Variants in ZNF208 observed in about 807,000 individuals in gnomAD.
The protein encoded by ZNF208 is zinc finger protein 208.
A neutral mutation model predicts 12.1 loss-of-function variants in ZNF208; 10 were observed. That is an observed-to-expected ratio of 0.83 (90% CI 0.51 to 1.40). The LOEUF (loss-of-function observed/expected upper bound fraction) is 1.40. Among genes scored for constraint, ZNF208 ranks in the 40% most tolerant of loss-of-function variants. The pLI, the probability that ZNF208 is intolerant of heterozygous loss-of-function variation, is 0.00. For synonymous variants in ZNF208, 497 were observed against 488.4 expected, an observed-to-expected ratio of 1.02 and a Z score of -0.23; for missense variants, 1,652 against 1,485.0, an observed-to-expected ratio of 1.11 and a Z score of -1.85.
intron 4 of ZNF208, among the ~76,000 whole-genome samples, chr19:21,956,929 G>T (rs1273882710): frequency 6.6e-6 from 1 of 152,242 alleles, no homozygotes; most frequent in Admixed American, 6.5e-5. Context: ...ACTGGGAGAT[G>T]TAGACTGGAG....
Position 21,973,252 on chromosome 19 carries a change from T to G in ZNF208, c.1782A>C (p.Ala594=), listed in dbSNP as rs563920028. ...GAATTCTCTTATGTTTAATAAGAATTGCAGATTGGTTAAAAGCTTTGCCAC... is the reference window on the plus strand; with the variant it reads ...GAATTCTCTTATGTTTAATAAGAATGGCAGATTGGTTAAAAGCTTTGCCAC... ...EECGKAFNQS[A]ILIKHKRIHT... Residue 594 remains alanine, a synonymous_variant, in exon 4 of 4, where the codon GCA becomes GCC. Coordinates refer to ENST00000397126, the MANE Select transcript of ZNF208 (RefSeq NM_007153.3). The G allele has an allele frequency of 1.2e-6, 2 of 1,613,014 alleles. No individual in the cohort carries two copies. Among genetic ancestry groups the G allele is most frequent in the Non-Finnish European group, 1.7e-6 (2 of 1,179,766 alleles).
rs558490237 is a variant in ZNF208, at chr19:21,972,717, C to G, written c.2317G>C (p.Val773Leu). 35 of 1,590,368 alleles carry G rather than the reference C, an allele frequency of 2.2e-5. 1 individual carries two copies. In the South Asian group the frequency reaches 3.5e-4, roughly 16 times the overall value. The change falls in exon 4 of 4, where the codon GTA (valine) becomes CTA (leucine). Residue 773 changes from valine (V) to leucine (L), a missense_variant. This residue lies in a region of ZNF208 where 1,239 missense variants were observed against 1,086.2 expected (regional missense o/e 1.14). Transcript: ENST00000397126. ...TCTTCACATTTGTAGGGTTTCTCTA[C>G]AGTATGAATTTTCTTATGATAACTA... ...TLSYHKKIHT[V>L]EKPYKCEECG...
At chr19:21,980,032 C>T (rs1290323469) in intron 3 of ZNF208, among the ~76,000 whole-genome samples, 2 of 151,690 alleles carry the variant, frequency 1.3e-5, no homozygotes, top group Non-Finnish European at 2.9e-5. Context: ...GCTAACTATC[C>T]TAAATATATA....
intron 4 of ZNF208, among the ~76,000 whole-genome samples, chr19:21,958,602 A>T (rs778492919): frequency 1.3e-5 from 2 of 152,112 alleles, no homozygotes; most frequent in Non-Finnish European, 2.9e-5. Context: ...TTTCATTTCA[A>T]TTCATGTCCT....
In ZNF208 at chr19:21,970,472, A is replaced by G. The variant is rs552011984; in HGVS notation, c.*719T>C. On this transcript the variant is annotated 3_prime_UTR_variant, in exon 4 of 4. Transcript: ENST00000397126. ...CTCCTGTACAAATTCCCTTATGTTC[A>G]GTAAGCGTTGAGAATTAATTAATAG... Among the ~76,000 whole-genome samples the G allele has an allele frequency of 1.4e-4, 21 of 152,286 alleles. No homozygotes were observed. The highest frequency in any genetic ancestry group is 4.8e-4 in the African/African-American group (20 of 41,580).
intron 3 of ZNF208, among the ~76,000 whole-genome samples, chr19:21,984,901 A>G (rs1970608608): frequency 6.6e-6 from 1 of 152,212 alleles, no homozygotes; most frequent in African/African-American, 2.4e-5. Context: ...ATCAGACTAA[A>G]GAAATAGAAT....
At position 22,010,871 on chromosome 19, in the gene ZNF208, G is replaced by A; in HGVS notation, c.-77C>T. ...TGCAGGTCATAGGGCCACAGAGGCT[G>A]GGACTCTAGGAGCAGAGGACACACA... On this transcript the variant is annotated 5_prime_UTR_variant, in exon 1 of 4. Transcript: ENST00000397126. 1 of 1,599,412 alleles carries A rather than the reference G, an allele frequency of 6.3e-7. No individual in the cohort carries two copies. The highest frequency in any genetic ancestry group is 8.6e-7 in the Non-Finnish European group (1 of 1,167,076).
In ZNF208 at chr19:22,006,119, A is replaced by T. The variant is rs368386902; in HGVS notation, c.3+4673T>A. Among the ~76,000 whole-genome samples, 5 of 152,180 alleles carry T rather than the reference A, an allele frequency of 3.3e-5. No individual in the cohort carries two copies. In the East Asian group the frequency reaches 9.7e-4, roughly 29 times the overall value. ...TACTCTCAGTCCGAGCCACCATACA[A>T]CCTCATTTTATGCTACTGCAGATTC... On this transcript the variant is annotated intron_variant, in intron 1 of 3. Coordinates refer to ENST00000397126, the MANE Select transcript of ZNF208 (RefSeq NM_007153.3).
intron 3 of ZNF208, among the ~76,000 whole-genome samples, chr19:21,986,222 T>C (rs1970626273): frequency 6.6e-6 from 1 of 151,940 alleles, no homozygotes; most frequent in Non-Finnish European, 1.5e-5. Context: ...TGAAGACAAA[T>C]AAGTAAAACA....
intron 4 of ZNF208, among the ~76,000 whole-genome samples, chr19:21,956,661 T>G (rs923286840): frequency 1.6e-4 from 25 of 152,222 alleles, no homozygotes; most frequent in African/African-American, 5.3e-4. Flanking sequence ...AATCTCCTGG[T>G]GTGCCATTTG....
At chr19:21,956,564 C>T (rs1420614757) in intron 4 of ZNF208, among the ~76,000 whole-genome samples, 1 of 152,194 alleles carries the variant, frequency 6.6e-6, no homozygotes, top group Non-Finnish European at 1.5e-5. Flanking sequence ...AGCCTTGCTG[C>T]CACCTTGCAG....
chr19:21,994,949 C>CTTTCT (rs1555747868), intron 1 of ZNF208, among the ~76,000 whole-genome samples: 2 of 38,212 alleles, frequency 5.2e-5, no homozygotes, highest in Non-Finnish European at 1.2e-4. Context: ...ATCTGTTTTT[C>CTTTCT]TTTTCTTTTT....
At chr19:22,003,834 A>G (rs559855792) in intron 1 of ZNF208, among the ~76,000 whole-genome samples, 1 of 152,292 alleles carries the variant, frequency 6.6e-6, no homozygotes, top group South Asian at 2.1e-4. Flanking sequence ...CAGCAAAGAC[A>G]TGGAATCAAC....
chr19:21,952,311 G>A (rs1012534234), intron 4 of ZNF208, among the ~76,000 whole-genome samples: 8 of 152,136 alleles, frequency 5.3e-5, no homozygotes, highest in African/African-American at 1.7e-4. Context: ...CACCCAGCAT[G>A]GCATTTGAGC....
rs191472319 is a variant in ZNF208, at chr19:21,982,426, G to A, written c.226+4790C>T. On this transcript the variant is annotated intron_variant, in intron 3 of 3. Transcript: ENST00000397126. ...AGAAAGAATCAATATCATGAAAATG[G>A]CCATACTGCCCAAGGTAATTTATAG... 1.2e-4 allele frequency among the ~76,000 whole-genome samples: 18 copies of A among 150,782 alleles called. No homozygotes were observed. In the East Asian group the frequency reaches 3.5e-3, roughly 29 times the overall value.
At chr19:21,945,611 A>T (rs1568432430) in intron 4 of ZNF208, among the ~76,000 whole-genome samples, 1 of 152,218 alleles carries the variant, frequency 6.6e-6, no homozygotes, top group Non-Finnish European at 1.5e-5. Context: ...CAACTTTTTA[A>T]AAAAATTTGA....
chr19:21,986,382 AAT>A (rs1461960487), intron 3 of ZNF208, among the ~76,000 whole-genome samples: 1 of 152,210 alleles, frequency 6.6e-6, no homozygotes, highest in Non-Finnish European at 1.5e-5. Context: ...TATCTGATAA[AAT>A]AGAGTAATAA....
In ZNF208 at chr19:21,958,189, TAAAAG is replaced by T. The variant is rs577085858; in HGVS notation, c.305+16535_305+16539del. Among the ~76,000 whole-genome samples, 29 of 147,614 alleles carry T rather than the reference TAAAAG, an allele frequency of 2.0e-4. No individual in the cohort carries two copies. The East Asian group carries it at 5.7e-3, about 29-fold the overall frequency. On this transcript the variant is annotated intron_variant, in intron 4 of 4. Coordinates refer to the ZNF208 transcript ENST00000599916. The stretch of plus-strand genomic sequence containing the variant: ...GAGTAGTTTCTAACAAAAAAAAAAC[TAAAAG>T]AAAGTAATTGTTTCAAAACTTGTCA...
chr19:21,987,550 C>T (rs371505524), intron 2 of ZNF208, among the ~76,000 whole-genome samples: 1 of 152,248 alleles, frequency 6.6e-6, no homozygotes, highest in East Asian at 1.9e-4. Context: ...CTCCTTACTG[C>T]CATCACGTTC....
Sources: allele counts gnomAD v4.1 joint callset (sites outside exome capture counted in the v4.1 genomes callset), GRCh38; gene constraint gnomAD v4.1.1; regional missense constraint gnomAD v4.1.1; transcripts MANE v1.5; gene names NCBI Gene and HGNC (gene_info 2026-07-23, HGNC 2026-07-21).